TBC1D30: variants seen among roughly 807,000 people sequenced by gnomAD.
The protein encoded by TBC1D30 is TBC1 domain family, member 30.
In TBC1D30, 31 loss-of-function variants were observed where a neutral mutation model predicts 63.2. The ratio of observed to expected loss-of-function variants is 0.49; its 90% CI spans 0.37 to 0.66. The LOEUF (loss-of-function observed/expected upper bound fraction) is 0.66, where lower values mean the gene tolerates loss of function less well. TBC1D30 is among the 30% of genes least tolerant of loss of function. The probability of loss-of-function intolerance (pLI) is 0.00; values close to 1 mark genes in which losing one functional copy is unlikely to be tolerated. For missense variants in TBC1D30, 810 were observed against 953.6 expected (o/e 0.85, Z 1.98); for synonymous variants, 307 against 361.5 (o/e 0.85, Z 1.71).
intron 1 of TBC1D30, among the ~76,000 whole-genome samples, chr12:64,769,853 A>G (rs757934119): frequency 5.2e-4 from 79 of 152,270 alleles, no homozygotes; most frequent in Non-Finnish European, 9.6e-4. Flanking sequence ...AACTCTCCCT[A>G]CAAATCAGTT....
chr12:64,865,823 T>A (rs2136461762), intron 9 of TBC1D30, among the ~76,000 whole-genome samples: 1 of 152,314 alleles, frequency 6.6e-6, no homozygotes, highest in East Asian at 1.9e-4. Context: ...CTCAAGTGTA[T>A]ACCATTAGCA....
At chr12:64,777,120 A>C (rs897075133), upstream of TBC1D30, among the ~76,000 whole-genome samples, 4 of 152,214 alleles carry the variant, frequency 2.6e-5, no homozygotes, top group Admixed American at 1.3e-4. Flanking sequence ...AAAAAGTAAG[A>C]ACCATATATG....
rs1443956053 is a variant in TBC1D30 at position 64,876,865 on chromosome 12, C to A, written c.*1077C>A. The A allele has an allele frequency of 2.2e-6, 1 of 456,082 alleles. No individual in the cohort carries two copies. Among genetic ancestry groups the A allele is most frequent in the Non-Finnish European group, 4.4e-6 (1 of 226,804 alleles). The allele number at this position is 456,082 out of a possible 1,614,324, so 28.3% of individuals were successfully genotyped here. On this transcript the variant is annotated 3_prime_UTR_variant, in exon 12 of 12. Coordinates refer to ENST00000539867, the MANE Select transcript of TBC1D30 (RefSeq NM_015279.2). ...CTCACCCAGCGGGTCAGGGATAGCA[C>A]CTCTTGTCTCCACTATGCAGATGGG... is the stretch of plus-strand genomic sequence containing the variant.
At chr12:64,828,368 C>A in intron 2 of TBC1D30, 76 bp from the exon 3 acceptor site, 1 of 1,085,578 alleles carries the variant, frequency 9.2e-7, no homozygotes, top group Non-Finnish European at 1.3e-6. Flanking sequence ...CTATGAATGT[C>A]AAGATGGGAA....
chr12:64,803,692 G>C (rs1291287358), intron 2 of TBC1D30, among the ~76,000 whole-genome samples: 2 of 152,152 alleles, frequency 1.3e-5, no homozygotes, highest in African/African-American at 4.8e-5. Flanking sequence ...GTAAGGAAGG[G>C]ATCCAGTTTC....
At chr12:64,761,272 A>G (rs1870501011) in intron 1 of TBC1D30, among the ~76,000 whole-genome samples, 1 of 152,212 alleles carries the variant, frequency 6.6e-6, no homozygotes, top group Admixed American at 6.5e-5. Context: ...ATTTTTTTCA[A>G]GGTTAGATTA....
At chr12:64,786,086 CT>C in intron 2 of TBC1D30, 7 of 1,260,170 alleles carry the variant, frequency 5.6e-6, no homozygotes, top group Non-Finnish European at 7.3e-6. Context: ...CCACATGCAA[CT>C]AGAATGTTAG....
intron 5 of TBC1D30, among the ~76,000 whole-genome samples, chr12:64,835,924 A>G (rs1199674516): frequency 6.6e-6 from 1 of 152,234 alleles, no homozygotes; most frequent in Non-Finnish European, 1.5e-5. Flanking sequence ...ACCTTATGAA[A>G]GAAATACAGA....
intron 1 of TBC1D30, among the ~76,000 whole-genome samples, chr12:64,763,242 T>A (rs73121441): frequency 2.0e-5 from 3 of 152,138 alleles, no homozygotes; most frequent in Non-Finnish European, 4.4e-5. Flanking sequence ...AGGCGTGAGT[T>A]TTATGTTATC....
At chr12:64,805,463 T>C (rs1175298663) in intron 2 of TBC1D30, among the ~76,000 whole-genome samples, 1 of 152,190 alleles carries the variant, frequency 6.6e-6, no homozygotes, top group Non-Finnish European at 1.5e-5. Flanking sequence ...TTGATGCTAC[T>C]GGGTTTTTCT....
At chr12:64,866,099 G>T (rs1418969751) in intron 9 of TBC1D30, among the ~76,000 whole-genome samples, 1 of 152,036 alleles carries the variant, frequency 6.6e-6, no homozygotes, top group Admixed American at 6.5e-5. Flanking sequence ...TGAACTCTTG[G>T]GCTCAAGCAA....
chr12:64,776,927 A>T (rs868722880), upstream of TBC1D30, among the ~76,000 whole-genome samples: 2 of 152,236 alleles, frequency 1.3e-5, no homozygotes, highest in African/African-American at 4.8e-5. Flanking sequence ...AGTGGGCTTC[A>T]TCCCTGGGAT....
At chr12:64,803,755 A>T (rs1189489251) in intron 2 of TBC1D30, among the ~76,000 whole-genome samples, 1 of 152,186 alleles carries the variant, frequency 6.6e-6, no homozygotes, top group Non-Finnish European at 1.5e-5. Context: ...TTAAATAGGG[A>T]ATCCTTTCCC....
chr12:64,812,729 C>T (rs1873286660), intron 2 of TBC1D30, among the ~76,000 whole-genome samples: 1 of 151,518 alleles, frequency 6.6e-6, no homozygotes, highest in African/African-American at 2.4e-5. Flanking sequence ...AAATTACTCA[C>T]TTAAACTTTG....
intron 8 of TBC1D30, among the ~76,000 whole-genome samples, chr12:64,854,653 C>A (rs958235659): frequency 6.6e-6 from 1 of 152,096 alleles, no homozygotes; most frequent in African/African-American, 2.4e-5. Context: ...TGCCACCACA[C>A]CCAACTAATT....
chr12:64,791,653 G>A (rs1473246247), intron 2 of TBC1D30, among the ~76,000 whole-genome samples: 2 of 151,838 alleles, frequency 1.3e-5, no homozygotes, highest in Non-Finnish European at 2.9e-5. Flanking sequence ...TTGGGACTGC[G>A]GGTGTGTGCC....
rs530215388 is a variant in TBC1D30, at chr12:64,769,431, G to A, written c.-376+9782G>A. Among the ~76,000 whole-genome samples the A allele has an allele frequency of 6.6e-5, 10 of 150,946 alleles. No homozygotes were observed. The South Asian group carries it at 2.1e-3, about 31-fold the overall frequency. On this transcript the variant is annotated intron_variant, in intron 1 of 13. Coordinates refer to the TBC1D30 transcript ENST00000674237. ...CTTGCTCTGTTGCCCAGGGTGGAGT[G>A]CAGTGGCATGATCTCGGCTCACTGC...
At chr12:64,848,437 G>C (rs139796300) in intron 8 of TBC1D30, among the ~76,000 whole-genome samples, 1 of 151,824 alleles carries the variant, frequency 6.6e-6, no homozygotes, top group Non-Finnish European at 1.5e-5. Context: ...CCCATACCCC[G>C]CGACAGGCCC....
At chr12:64,769,230 G>C (rs997484402) in intron 1 of TBC1D30, among the ~76,000 whole-genome samples, 3 of 151,482 alleles carry the variant, frequency 2.0e-5, no homozygotes, top group African/African-American at 7.3e-5. Context: ...TTTTGAGTCA[G>C]AGTCTCACTC....
Sources: allele counts gnomAD v4.1 joint callset (sites outside exome capture counted in the v4.1 genomes callset), GRCh38; gene constraint gnomAD v4.1.1; transcripts MANE v1.5; gene names NCBI Gene and HGNC (gene_info 2026-07-23, HGNC 2026-07-21).